The following VAX2 variants were observed in gnomAD, a reference collection of about 807,000 sequenced individuals.
VAX2 encodes the protein ventral anterior homeobox 2.
VAX2 carries 8 observed loss-of-function variants against 12.5 expected under a neutral mutation model. The ratio of observed to expected loss-of-function variants is 0.64; its 90% CI spans 0.37 to 1.15. The LOEUF (loss-of-function observed/expected upper bound fraction) is 1.15, where lower values mean the gene tolerates loss of function less well. VAX2 is among the 50% of genes most tolerant of loss of function. The pLI, the probability that VAX2 is intolerant of heterozygous loss-of-function variation, is 0.01. For synonymous variants in VAX2, 183 were observed against 187.6 expected, an observed-to-expected ratio of 0.98 and a Z score of 0.20; for missense variants, 476 against 412.9, an observed-to-expected ratio of 1.15 and a Z score of -1.32.
chr2:70,902,410 A>G (rs1678954908), intron 1 of VAX2, among the ~76,000 whole-genome samples: 1 of 152,172 alleles, frequency 6.6e-6, no homozygotes, highest in Non-Finnish European at 1.5e-5. Flanking sequence ...ATTAAATCCG[A>G]TTTTATTCTT....
At chr2:70,926,455 C>A (rs1057494467) in intron 2 of VAX2, among the ~76,000 whole-genome samples, 2 of 152,178 alleles carry the variant, frequency 1.3e-5, no homozygotes, top group African/African-American at 4.8e-5. Context: ...TCCAGTTCTC[C>A]TTGGTTTTAG....
chr2:70,922,291 G>A (rs1679476903), intron 2 of VAX2, among the ~76,000 whole-genome samples: 1 of 152,230 alleles, frequency 6.6e-6, no homozygotes, highest in Admixed American at 6.5e-5. Flanking sequence ...GGAGAGGAAG[G>A]GAGGAGGGGA....
chr2:70,906,064 ACC>A (rs1368059564), intron 1 of VAX2, among the ~76,000 whole-genome samples: 1 of 152,084 alleles, frequency 6.6e-6, no homozygotes, highest in African/African-American at 2.4e-5. Context: ...AGACCTGACT[ACC>A]CTTGGAGAGC....
At chr2:70,930,727 G>A (rs1553414198) in intron 2 of VAX2, among the ~76,000 whole-genome samples, 1 of 152,200 alleles carries the variant, frequency 6.6e-6, no homozygotes, top group Non-Finnish European at 1.5e-5. Flanking sequence ...GCAGCCCTCT[G>A]GCTCAAGCCT....
chr2:70,921,617 C>G (rs1350943423), intron 2 of VAX2, among the ~76,000 whole-genome samples: 1 of 151,892 alleles, frequency 6.6e-6, no homozygotes, highest in African/African-American at 2.4e-5. Flanking sequence ...AGAGGAGTGA[C>G]AAGAAGGGAT....
chr2:70,918,177 G>A (rs571770263), intron 1 of VAX2, among the ~76,000 whole-genome samples: 2 of 152,288 alleles, frequency 1.3e-5, no homozygotes, highest in Admixed American at 1.3e-4. Flanking sequence ...GGCCTGGGAT[G>A]GGGAGGGAGG....
intron 2 of VAX2, among the ~76,000 whole-genome samples, chr2:70,932,319 T>A (rs1308007725): frequency 6.6e-6 from 1 of 152,088 alleles, no homozygotes; most frequent in African/African-American, 2.4e-5. Context: ...GGCAGGTGGA[T>A]ACATGGCCTG....
intron 1 of VAX2, among the ~76,000 whole-genome samples, chr2:70,919,938 G>C: frequency 6.6e-6 from 1 of 152,338 alleles, no homozygotes; most frequent in South Asian, 2.1e-4. Flanking sequence ...ACGTTTGTCA[G>C]CCTTTGTTAC....
chr2:70,929,794 A>G (rs1679655359), intron 2 of VAX2, among the ~76,000 whole-genome samples: 1 of 147,530 alleles, frequency 6.8e-6, no homozygotes, highest in African/African-American at 2.5e-5. Flanking sequence ...AGTGGTCCTC[A>G]CCTCAAATCA....
intron 1 of VAX2, among the ~76,000 whole-genome samples, chr2:70,920,751 G>A (rs1243769097): frequency 6.6e-6 from 1 of 151,946 alleles, no homozygotes; most frequent in African/African-American, 2.4e-5. Context: ...CATCCCCTAT[G>A]TACTTGAGGA....
chr2:70,930,523 C>T (rs181517445), intron 2 of VAX2, among the ~76,000 whole-genome samples: 52 of 152,296 alleles, frequency 3.4e-4, no homozygotes, highest in Non-Finnish European at 4.9e-4. Flanking sequence ...CAGGATCAGA[C>T]GACAGGGGGT....
intron 2 of VAX2, among the ~76,000 whole-genome samples, chr2:70,932,119 G>A (rs954021011): frequency 3.9e-5 from 6 of 152,180 alleles, no homozygotes; most frequent in African/African-American, 9.7e-5. Context: ...ACAATGCCAC[G>A]GTCCAGGTCA....
intron 2 of VAX2, among the ~76,000 whole-genome samples, chr2:70,924,726 C>A (rs1429203595): frequency 6.6e-6 from 1 of 152,060 alleles, no homozygotes; most frequent in Non-Finnish European, 1.5e-5. Context: ...TAATTTTGTT[C>A]AAAAATATTA....
intron 1 of VAX2, among the ~76,000 whole-genome samples, chr2:70,918,863 C>CAAAA (rs531465293): frequency 1.0e-5 from 1 of 99,464 alleles, no homozygotes; most frequent in Non-Finnish European, 1.9e-5. Context: ...CCAGCCGTCT[C>CAAAA]AAAAAAAAAA....
chr2:70,929,309 GC>G (rs1174582709), intron 2 of VAX2, among the ~76,000 whole-genome samples: 1 of 152,152 alleles, frequency 6.6e-6, no homozygotes, highest in South Asian at 2.1e-4. Flanking sequence ...CTAAAGCAGT[GC>G]CCCCCAGAGT....
chr2:70,932,983 T>C lies in VAX2; in HGVS notation c.652T>C (p.Ser218Pro), dbSNP rs1553414577. Residue 218 changes from serine (S) to proline (P), a missense_variant, in exon 3 of 3, where the codon TCC (serine) becomes CCC (proline). By Grantham distance (74) the Ser-to-Pro change is moderately conservative (BLOSUM62 -1). Coordinates refer to ENST00000234392, the MANE Select transcript of VAX2 (RefSeq NM_012476.3). The stretch of plus-strand genomic sequence containing the variant: ...CCTACCTGCCAGCCACAGGGGCACC[T>C]CCTTAGGTGACCCCAGGAACTCCTC... ...PGLPASHRGT[S>P]LGDPRNSSPR... 1 of 1,608,768 alleles carries C rather than the reference T, an allele frequency of 6.2e-7. No individual in the cohort carries two copies. The highest frequency in any genetic ancestry group is 1.1e-5 in the South Asian group (1 of 90,594).
chr2:70,921,730 C>A lies in VAX2; in HGVS notation c.435+445C>A, dbSNP rs527667174. On this transcript the variant is annotated intron_variant, in intron 2 of 2. Transcript: ENST00000234392. ...TTCTCCATTTCTGGCCCTTTCCCAC[C>A]CTCCATCACCTTCCCTTCATCTCAG... Among the ~76,000 whole-genome samples, 39 of 152,152 alleles carry A rather than the reference C, an allele frequency of 2.6e-4. 1 individual carries two copies. The highest frequency in any genetic ancestry group is 5.9e-4 in the Admixed American group (9 of 15,282).
intron 2 of VAX2, among the ~76,000 whole-genome samples, chr2:70,924,991 G>A (rs1322079439): frequency 6.6e-6 from 1 of 152,176 alleles, no homozygotes; most frequent in South Asian, 2.1e-4. Context: ...AGTGGCAAGG[G>A]AGAAACAGCC....
chr2:70,901,496 C>T lies in VAX2; in HGVS notation c.247+628C>T, dbSNP rs978773999. Reference sequence around the variant, plus strand: ...CCCAGCCGGCTCTCGGCGCCGCCTTCCCGCGGCCTGGCCTTTCACGTCCTT... The same window carrying T: ...CCCAGCCGGCTCTCGGCGCCGCCTTTCCGCGGCCTGGCCTTTCACGTCCTT... On this transcript the variant is annotated intron_variant, in intron 1 of 2. Transcript: ENST00000234392. 5.9e-5 allele frequency among the ~76,000 whole-genome samples: 9 copies of T among 152,262 alleles called. No individual in the cohort carries two copies. In the South Asian group the frequency reaches 1.7e-3, roughly 28 times the overall value.
Sources: allele counts gnomAD v4.1 joint callset (sites outside exome capture counted in the v4.1 genomes callset), GRCh38; gene constraint gnomAD v4.1.1; transcripts MANE v1.5; gene names NCBI Gene and HGNC (gene_info 2026-07-23, HGNC 2026-07-21).